The following PCGF3 variants were observed in gnomAD, a reference collection of about 807,000 sequenced individuals.
PCGF3 encodes the protein polycomb group RING finger protein 3.
A neutral mutation model predicts 33.1 loss-of-function variants in PCGF3; 7 were observed. That is an observed-to-expected ratio of 0.21 (90% CI 0.12 to 0.40). The LOEUF is 0.40. PCGF3 is among the 10% of genes least tolerant of loss of function. PCGF3 has a pLI of 1.00. For missense variants in PCGF3, 211 were observed against 313.3 expected, an observed-to-expected ratio of 0.67 and a Z score of 2.46; for synonymous variants, 153 against 121.3, an observed-to-expected ratio of 1.26 and a Z score of -1.72.
chr4:761,621 A>T (rs570904841), intron 9 of PCGF3: 2 of 971,626 alleles, frequency 2.1e-6, no homozygotes, highest in Non-Finnish European at 2.4e-6. Flanking sequence ...GGGAACGTGG[A>T]ATGCTACTGT....
chr4:741,151 G>GA (rs796079634), intron 6 of PCGF3, among the ~76,000 whole-genome samples: 5 of 152,308 alleles, frequency 3.3e-5, no homozygotes, highest in African/African-American at 1.2e-4. Context: ...CCACTCACAG[G>GA]AAAGCAGTAT....
intron 1 of PCGF3, among the ~76,000 whole-genome samples, chr4:712,904 T>G (rs1343534728): frequency 6.6e-6 from 1 of 152,286 alleles, no homozygotes; most frequent in Non-Finnish European, 1.5e-5. Flanking sequence ...GAAATCTGTC[T>G]GCAGACTTCC....
At chr4:737,674 C>G in intron 6 of PCGF3, 153 bp downstream of exon 6, 1 of 624,580 alleles carries the variant, frequency 1.6e-6, no homozygotes, top group East Asian at 2.7e-5. Flanking sequence ...ACTTCATCTC[C>G]TTGGCTGGTC....
chr4:734,500 G>T, intron 4 of PCGF3: 1 of 1,211,376 alleles, frequency 8.3e-7, no homozygotes, highest in South Asian at 3.2e-5. Context: ...AACGTTAATC[G>T]TATTTTTAGA....
chr4:715,156 G>A (rs1742756238), intron 1 of PCGF3, among the ~76,000 whole-genome samples: 1 of 147,780 alleles, frequency 6.8e-6, no homozygotes, highest in African/African-American at 2.5e-5. Flanking sequence ...CACTGAGTGT[G>A]AGAACTGGGC....
At chr4:762,983 TGTG>T (rs1452315823) in intron 9 of PCGF3, 1 of 152,172 alleles carries the variant, frequency 6.6e-6, no homozygotes, top group African/African-American at 2.4e-5. Flanking sequence ...GCGTAGCTGC[TGTG>T]GTGGCACAGA....
In PCGF3 at chr4:721,178, A is replaced by C. The variant is rs1743061242; in HGVS notation, c.-189-9452A>C. Among the ~76,000 whole-genome samples, 1 of 152,084 alleles carries C rather than the reference A, an allele frequency of 6.6e-6. No homozygotes were observed. The highest frequency in any genetic ancestry group is 2.1e-4 in the South Asian group (1 of 4,818). On this transcript the variant is annotated intron_variant, in intron 1 of 10. Transcript: ENST00000362003. The surrounding 1 kb of genome is among the most constrained non-coding windows in gnomAD (Gnocchi z 4.1). The stretch of plus-strand genomic sequence containing the variant: ...GTGAAACCAACCTCACTGCCCCATT[A>C]CAACAGTGCGGGCCCTGATTCTCAT...
chr4:720,432 C>G lies in PCGF3; in HGVS notation c.-189-10198C>G, dbSNP rs549296700. The stretch of plus-strand genomic sequence containing the variant: ...TTCAGCTCCGGGAGGTGGGGCTGCC[C>G]GTCCAGAGAGGTGCAGGGTCTCTTG... On this transcript the variant is annotated intron_variant, in intron 1 of 10. Coordinates refer to ENST00000362003, the Ensembl canonical transcript of PCGF3. The surrounding 1 kb of genome is among the most constrained non-coding windows in gnomAD (Gnocchi z 5.6). Among the ~76,000 whole-genome samples, 3 of 152,214 alleles carry G rather than the reference C, an allele frequency of 2.0e-5. No homozygotes were observed. In the South Asian group the frequency reaches 6.2e-4, roughly 32 times the overall value.
intron 7 of PCGF3, 31 bp downstream of exon 7, chr4:743,615 C>A: frequency 1.6e-6 from 2 of 1,278,186 alleles, no homozygotes; most frequent in Non-Finnish European, 1.1e-6. Flanking sequence ...TCCAGAAGCC[C>A]CGGGAATCCC....
At chr4:736,483 T>C (rs114503621) in intron 5 of PCGF3, among the ~76,000 whole-genome samples, 27,905 of 121,108 alleles carry the variant, frequency 0.23, 3,311 homozygotes, top group South Asian at 0.28. Flanking sequence ...GCGCATAGGA[T>C]GCAGGGAACC....
intron 5 of PCGF3, among the ~76,000 whole-genome samples, chr4:735,742 G>A (rs965240557): frequency 6.6e-6 from 1 of 152,244 alleles, no homozygotes; most frequent in African/African-American, 2.4e-5. Context: ...CATGGCCAAG[G>A]TCTTTCTCCC....
intron 8 of PCGF3, among the ~76,000 whole-genome samples, chr4:750,926 C>T (rs1744483752): frequency 6.6e-6 from 1 of 152,132 alleles, no homozygotes; most frequent in African/African-American, 2.4e-5. Context: ...CTGTTGGTCT[C>T]TGCTTCCACC....
intron 6 of PCGF3, among the ~76,000 whole-genome samples, chr4:739,358 C>G (rs1743985346): frequency 6.6e-6 from 1 of 152,154 alleles, no homozygotes; most frequent in Non-Finnish European, 1.5e-5. Context: ...GCACCTCCAT[C>G]CTGGCTAATT....
intron 7 of PCGF3, among the ~76,000 whole-genome samples, chr4:744,294 C>T (rs929352020): frequency 5.9e-5 from 9 of 152,226 alleles, no homozygotes; most frequent in African/African-American, 2.2e-4. Flanking sequence ...CTGAGCAGCT[C>T]CGGGCGGGCC....
intron 1 of PCGF3, among the ~76,000 whole-genome samples, chr4:708,687 C>T (rs1284668112): frequency 1.3e-5 from 2 of 152,204 alleles, no homozygotes; most frequent in Admixed American, 1.3e-4. Context: ...TGTCCAGCAC[C>T]TTCAACCCCT....
At chr4:768,050 TCTC>T (rs1243719321) in exon 11 of PCGF3, 1 of 152,654 alleles carries the variant, frequency 6.6e-6, no homozygotes, top group Non-Finnish European at 1.5e-5. Context: ...ATTGTAATAA[TCTC>T]ATAATATATA....
intron 8 of PCGF3, among the ~76,000 whole-genome samples, chr4:758,472 C>T (rs1443314858): frequency 1.4e-5 from 2 of 140,578 alleles, no homozygotes; most frequent in African/African-American, 5.3e-5. Flanking sequence ...TCTTTCTTCC[C>T]GTGCGGCCCC....
chr4:736,728 G>A (rs574862758), intron 5 of PCGF3, among the ~76,000 whole-genome samples: 2 of 150,686 alleles, frequency 1.3e-5, no homozygotes, highest in East Asian at 3.9e-4. Flanking sequence ...TGTCCCCTGA[G>A]CGCACGGGAC....
At chr4:734,313 C>G in intron 4 of PCGF3, 1 of 1,444,306 alleles carries the variant, frequency 6.9e-7, no homozygotes, top group Non-Finnish European at 9.1e-7. Flanking sequence ...CCTGAGGCCC[C>G]ATGGCTGGCG....
Sources: allele counts gnomAD v4.1 joint callset (sites outside exome capture counted in the v4.1 genomes callset), GRCh38; gene constraint gnomAD v4.1.1; non-coding constraint Gnocchi (gnomAD v3.1); transcripts MANE v1.5; gene names NCBI Gene and HGNC (gene_info 2026-07-23, HGNC 2026-07-21).